ACTN4: variants seen among roughly 807,000 people sequenced by gnomAD.
ACTN4 encodes actinin alpha 4.
Under a neutral mutation model 114.2 loss-of-function variants are expected in ACTN4, and 18 were observed. The ratio of observed to expected loss-of-function variants is 0.16; its 90% confidence interval spans 0.11 to 0.23. The LOEUF is 0.23. Among genes scored for constraint, ACTN4 ranks in the 10% least tolerant of loss-of-function variants. The pLI is 1.00. For synonymous variants in ACTN4, 515 were observed against 506.3 expected, an observed-to-expected ratio of 1.02 and a Z score of -0.23; for missense variants, 722 against 1,262.9, an observed-to-expected ratio of 0.57 and a Z score of 6.49.
intron 6 of ACTN4, 133 bp from the exon 7 acceptor site, chr19:38,709,262 G>A: frequency 9.3e-6 from 7 of 756,584 alleles, no homozygotes; most frequent in Non-Finnish European, 9.7e-6. Flanking sequence ...CATCACACGT[G>A]GCTGAGAACT....
Position 38,727,843 on chromosome 19 carries a change from C to T in ACTN4, c.2338-103C>T, listed in dbSNP as rs1463730375. ...TTGCCTCTAACTCTGTGTTTCCCTC[C>T]CCTACGTGTCCCTTCCCCCTGCCCT... is the stretch of plus-strand genomic sequence containing the variant. On this transcript the variant is annotated intron_variant, in intron 18 of 20. Coordinates refer to ENST00000252699, the MANE Select transcript of ACTN4 (RefSeq NM_004924.6). The surrounding 1 kb of genome is among the most constrained non-coding windows in gnomAD (Gnocchi z 5.4). 1.6e-5 allele frequency: 17 copies of T among 1,070,844 alleles called. No individual in the cohort carries two copies. The highest frequency in any genetic ancestry group is 2.4e-5 in the Non-Finnish European group (17 of 712,270). 66.3% of individuals were successfully genotyped at this position (1,070,844 alleles called of 1,614,324 possible). A position where few individuals can be genotyped will look rare whatever the true frequency, so the allele number is the denominator to read the frequency against.
intron 12 of ACTN4, among the ~76,000 whole-genome samples, chr19:38,723,252 C>T (rs938071432): frequency 4.6e-5 from 7 of 152,300 alleles, no homozygotes; most frequent in Non-Finnish European, 8.8e-5. Context: ...TCCTGTTCCT[C>T]CCCAGAGTCG....
chr19:38,712,579 C>T (rs371370950), intron 8 of ACTN4, among the ~76,000 whole-genome samples: 16 of 152,194 alleles, frequency 1.1e-4, no homozygotes, highest in East Asian at 3.9e-4. Context: ...TTCACCTCCT[C>T]AGCATGCGAT....
At chr19:38,711,978 C>T (rs1461529149) in intron 8 of ACTN4, among the ~76,000 whole-genome samples, 1 of 152,248 alleles carries the variant, frequency 6.6e-6, no homozygotes, top group African/African-American at 2.4e-5. Flanking sequence ...ACTGCTCCCC[C>T]CGCTTGCCTT....
chr19:38,685,048 C>T (rs1599796371), intron 1 of ACTN4, among the ~76,000 whole-genome samples: 2 of 152,240 alleles, frequency 1.3e-5, no homozygotes, highest in South Asian at 4.1e-4. Flanking sequence ...TGGGTTCAAG[C>T]GATTCTCCTG....
Position 38,723,999 on chromosome 19 carries a change from C to G in ACTN4, c.1614C>G (p.Ala538=), listed in dbSNP as rs764948353. Residue 538 remains alanine, a synonymous_variant, in exon 14 of 21, where the codon GCC becomes GCG. Transcript: ENST00000252699. ...QLHLEYAKRA[A]PFNNWMESAM... Reference sequence around the variant, plus strand: ...ACCTGGAATACGCCAAGCGCGCGGCCCCCTTCAACAACTGGATGGAGAGCG... The same window carrying G: ...ACCTGGAATACGCCAAGCGCGCGGCGCCCTTCAACAACTGGATGGAGAGCG... The G allele has an allele frequency of 1.2e-6, 2 of 1,613,868 alleles. No homozygotes were observed. The highest frequency in any genetic ancestry group is 1.7e-6 in the Non-Finnish European group (2 of 1,180,012).
At chr19:38,714,662 C>A in intron 9 of ACTN4, 101 bp downstream of exon 9, 1 of 1,213,530 alleles carries the variant, frequency 8.2e-7, no homozygotes. Flanking sequence ...GCGAGATGAC[C>A]TAGAAAAGGC....
chr19:38,703,939 C>G (rs2145005306), intron 3 of ACTN4, among the ~76,000 whole-genome samples: 1 of 152,280 alleles, frequency 6.6e-6, no homozygotes, highest in South Asian at 2.1e-4. Context: ...CGTATCAAAG[C>G]AAGAAAGAGC....
In ACTN4 at chr19:38,717,609, G is replaced by T. The variant is rs1968886418; in HGVS notation, c.1143+293G>T. On this transcript the variant is annotated intron_variant, in intron 10 of 20. Transcript: ENST00000252699. This position sits in a 1 kb window ranked among gnomAD's most constrained non-coding sequence, Gnocchi z 4.0. ...ATTTGGAGCCGTGGTCTGCCATGAT[G>T]GCATGACCGCCATGTGCTTGAGGCC... Among the ~76,000 whole-genome samples, 1 of 152,180 alleles carries T rather than the reference G, an allele frequency of 6.6e-6. No individual in the cohort carries two copies. The highest frequency in any genetic ancestry group is 1.5e-5 in the Non-Finnish European group (1 of 68,032).
chr19:38,660,691 C>T (rs1281076771), intron 1 of ACTN4, among the ~76,000 whole-genome samples: 1 of 152,168 alleles, frequency 6.6e-6, no homozygotes, highest in Non-Finnish European at 1.5e-5. Context: ...CCACCATGCC[C>T]GACCCATGGA....
intron 1 of ACTN4, among the ~76,000 whole-genome samples, chr19:38,697,827 A>G (rs561774083): frequency 1.3e-5 from 2 of 152,334 alleles, no homozygotes; most frequent in South Asian, 4.1e-4. Context: ...ATGTGAGAGT[A>G]GAGGCCTAGC....
At chr19:38,726,713 C>G (rs1429972289) in intron 17 of ACTN4, among the ~76,000 whole-genome samples, 1 of 152,204 alleles carries the variant, frequency 6.6e-6, no homozygotes, top group Non-Finnish European at 1.5e-5. Flanking sequence ...CACAGGGATC[C>G]CGGCACAAGA....
chr19:38,728,226 C>G, intron 19 of ACTN4, 200 bp downstream of exon 19: 1 of 1,431,008 alleles, frequency 7.0e-7, no homozygotes, highest in Non-Finnish European at 9.6e-7. Flanking sequence ...CTCCCCGCCA[C>G]TGTCCTGTCT....
At chr19:38,678,545 G>A (rs188938714) in intron 1 of ACTN4, among the ~76,000 whole-genome samples, 25 of 152,308 alleles carry the variant, frequency 1.6e-4, no homozygotes, top group African/African-American at 5.1e-4. Flanking sequence ...ATGGGGCATC[G>A]GCAGAGAAGT....
intron 9 of ACTN4, 111 bp downstream of exon 9, chr19:38,714,672 C>G: frequency 8.8e-7 from 1 of 1,131,632 alleles, no homozygotes; most frequent in East Asian, 2.5e-5. Flanking sequence ...CTAGAAAAGG[C>G]TGCGTGGTCA....
chr19:38,706,070 C>G lies in ACTN4; in HGVS notation c.511C>G (p.Leu171Val). Residue 171 changes from leucine to valine, a missense_variant, in exon 5 of 21, where the codon CTC becomes GTC. Leu to Val is a conservative substitution (Grantham distance 32). Around this residue, in one of 3 missense-constraint regions of ACTN4, gnomAD observed 127 missense variants for 311.3 expected, o/e 0.41. Coordinates refer to ENST00000252699, the MANE Select transcript of ACTN4 (RefSeq NM_004924.6). ...EETSAKEGLL[L>V]WCQRKTAPYK... ...GACCTCGGCCAAGGAAGGGCTCCTTCTCTGGTGCCAGAGAAAGACAGCCCC... is the reference window on the plus strand; with the variant it reads ...GACCTCGGCCAAGGAAGGGCTCCTTGTCTGGTGCCAGAGAAAGACAGCCCC... The G allele has an allele frequency of 6.2e-7, 1 of 1,614,212 alleles. No homozygotes were observed. The highest frequency in any genetic ancestry group is 8.5e-7 in the Non-Finnish European group (1 of 1,180,014).
chr19:38,677,597 G>A (rs1009702622), intron 1 of ACTN4, among the ~76,000 whole-genome samples: 4 of 45,366 alleles, frequency 8.8e-5, no homozygotes, highest in Non-Finnish European at 1.8e-4. Flanking sequence ...CAGGCTCATT[G>A]CATCCCATCT....
chr19:38,693,939 T>C (rs1968011021), intron 1 of ACTN4, among the ~76,000 whole-genome samples: 3 of 152,112 alleles, frequency 2.0e-5, no homozygotes, highest in Admixed American at 2.0e-4. Context: ...CCACCCCCCT[T>C]CCCCGCACTC....
chr19:38,664,902 G>GT lies in ACTN4; in HGVS notation c.162+17001dup, dbSNP rs200782336. On this transcript the variant is annotated intron_variant, in intron 1 of 20. Transcript: ENST00000252699. ...ATTGCTTCACTCCCACTTTGGGAGA[G>GT]TTTTTTCTGGGGAAGTTAAAGGCTA... Among the ~76,000 whole-genome samples the GT allele has an allele frequency of 3.9e-3, 592 of 152,268 alleles. 7 individuals carry two copies. The highest frequency in any genetic ancestry group is 0.014 in the African/African-American group (567 of 41,550).
Sources: allele counts gnomAD v4.1 joint callset (sites outside exome capture counted in the v4.1 genomes callset), GRCh38; gene constraint gnomAD v4.1.1; regional missense constraint gnomAD v4.1.1; non-coding constraint Gnocchi (gnomAD v3.1); transcripts MANE v1.5; gene names NCBI Gene and HGNC (gene_info 2026-07-23, HGNC 2026-07-21).